ANTXR2: variants seen among roughly 807,000 people sequenced by gnomAD.
ANTXR2 encodes ANTXR cell adhesion molecule 2, also known as anthrax toxin receptor 2.
A neutral mutation model predicts 73.7 loss-of-function variants in ANTXR2; 44 were observed. The ratio of observed to expected loss-of-function variants is 0.60; its 90% confidence interval spans 0.47 to 0.77. The LOEUF (loss-of-function observed/expected upper bound fraction) is 0.77. ANTXR2 is among the 30% of genes least tolerant of loss of function. The pLI, the probability that ANTXR2 is intolerant of heterozygous loss-of-function variation, is 0.00. For synonymous variants in ANTXR2, 217 were observed against 205.9 expected, an observed-to-expected ratio of 1.05 and a Z score of -0.46; for missense variants, 604 against 592.5, an observed-to-expected ratio of 1.02 and a Z score of -0.20.
intron 12 of ANTXR2, among the ~76,000 whole-genome samples, chr4:79,995,838 C>T (rs1019196416): frequency 2.0e-5 from 3 of 151,894 alleles, no homozygotes; most frequent in Non-Finnish European, 4.4e-5. Flanking sequence ...GCCCTCAAAG[C>T]TCTATCTAAA....
At chr4:79,997,626 C>T (rs1211634679) in intron 12 of ANTXR2, among the ~76,000 whole-genome samples, 1 of 151,962 alleles carries the variant, frequency 6.6e-6, no homozygotes, top group African/African-American at 2.4e-5. Flanking sequence ...TTCAAGTTAT[C>T]TCATCCTCTG....
intron 3 of ANTXR2, among the ~76,000 whole-genome samples, chr4:80,061,623 GT>G (rs1295547235): frequency 1.3e-5 from 2 of 152,010 alleles, no homozygotes; most frequent in East Asian, 3.9e-4. Flanking sequence ...AAACGAAAAT[GT>G]TCTCAAGATG....
intron 16 of ANTXR2, among the ~76,000 whole-genome samples, chr4:79,926,978 C>T (rs1444718065): frequency 7.5e-6 from 1 of 132,578 alleles, no homozygotes; most frequent in Non-Finnish European, 1.6e-5. Flanking sequence ...TGTATATATA[C>T]GTGTGCATAT....
At chr4:79,923,385 A>G (rs1385504182) in intron 16 of ANTXR2, among the ~76,000 whole-genome samples, 1 of 152,128 alleles carries the variant, frequency 6.6e-6, no homozygotes, top group Non-Finnish European at 1.5e-5. Flanking sequence ...ATTTAGTCAC[A>G]TGAATATTCA....
chr4:79,922,631 T>G (rs1006729573), intron 16 of ANTXR2, among the ~76,000 whole-genome samples: 1 of 152,096 alleles, frequency 6.6e-6, no homozygotes, highest in Non-Finnish European at 1.5e-5. Flanking sequence ...GTTAGCTTTA[T>G]GTAAAAAGAA....
intron 16 of ANTXR2, among the ~76,000 whole-genome samples, chr4:79,911,163 G>C (rs1231387879): frequency 6.6e-6 from 1 of 152,154 alleles, no homozygotes; most frequent in South Asian, 2.1e-4. Flanking sequence ...ACACTGCAGA[G>C]CAATTTTTAT....
At chr4:79,989,101 G>C (rs941246828) in intron 12 of ANTXR2, among the ~76,000 whole-genome samples, 5 of 151,802 alleles carry the variant, frequency 3.3e-5, no homozygotes, top group African/African-American at 4.8e-5. Context: ...GAAAACATGA[G>C]TAAACCAACC....
intron 16 of ANTXR2, 57 bp downstream of exon 16, chr4:79,977,564 C>A (rs1314630074): frequency 6.5e-7 from 1 of 1,533,356 alleles, no homozygotes; most frequent in Admixed American, 2.2e-5. Flanking sequence ...ATTTCCCTGC[C>A]TCCATTATAC....
chr4:79,962,016 A>AT (rs1560910775), intron 16 of ANTXR2, among the ~76,000 whole-genome samples: 1 of 152,164 alleles, frequency 6.6e-6, no homozygotes, highest in African/African-American at 2.4e-5. Flanking sequence ...TTTGAAAAAA[A>AT]ATATATTTTT....
In ANTXR2 at chr4:79,978,012, T is replaced by C. The variant is rs1324592456; in HGVS notation, c.1342A>G (p.Ile448Val). The change falls in exon 15 of 17, where the codon ATT (isoleucine) becomes GTT (valine). Residue 448 changes from isoleucine (I) to valine (V), a missense_variant. Transcript: ENST00000403729. ...QPPQTKWYTP[I>V]KGRLDALWAL... is the part of the protein sequence containing the mutation. ...CACAAAATCTGGACACATACCTTAA[T>C]TGGGGTGTACCATTTTGTCTGAGGA... 1.9e-6 allele frequency: 3 copies of C among 1,592,376 alleles called. No homozygotes were observed. The highest frequency in any genetic ancestry group is 2.7e-5 in the African/African-American group (2 of 73,202).
chr4:79,928,809 A>G (rs901173986), intron 16 of ANTXR2, among the ~76,000 whole-genome samples: 1 of 152,200 alleles, frequency 6.6e-6, no homozygotes, highest in African/African-American at 2.4e-5. Context: ...TTAATCTAAC[A>G]AAACCAATTA....
intron 7 of ANTXR2, among the ~76,000 whole-genome samples, chr4:80,050,194 T>C (rs1442023915): frequency 2.6e-5 from 4 of 151,780 alleles, no homozygotes; most frequent in East Asian, 1.9e-4. Context: ...AAATTCTACA[T>C]AGCTTTTGTC....
intron 16 of ANTXR2, among the ~76,000 whole-genome samples, chr4:79,937,047 T>C (rs916135017): frequency 1.6e-5 from 2 of 122,652 alleles, no homozygotes; most frequent in African/African-American, 6.8e-5. Flanking sequence ...GAAAAATGTA[T>C]TAATAATTTT....
At chr4:80,016,078 G>A (rs1731855635) in intron 11 of ANTXR2, among the ~76,000 whole-genome samples, 2 of 151,890 alleles carry the variant, frequency 1.3e-5, no homozygotes, top group Admixed American at 1.3e-4. Flanking sequence ...ATAGGACAAA[G>A]AACAATTTTA....
intron 11 of ANTXR2, among the ~76,000 whole-genome samples, chr4:80,014,522 C>T (rs939222946): frequency 6.6e-6 from 1 of 151,930 alleles, no homozygotes; most frequent in African/African-American, 2.4e-5. Flanking sequence ...GCCAAACTGG[C>T]GTCACTGCAC....
chr4:79,925,199 A>G (rs1400479217), intron 16 of ANTXR2, among the ~76,000 whole-genome samples: 3 of 151,870 alleles, frequency 2.0e-5, no homozygotes, highest in African/African-American at 7.3e-5. Context: ...GACAACATCA[A>G]TGCACCTTGC....
intron 12 of ANTXR2, among the ~76,000 whole-genome samples, chr4:79,994,953 C>G (rs892350393): frequency 5.3e-5 from 8 of 151,914 alleles, no homozygotes; most frequent in African/African-American, 1.9e-4. Flanking sequence ...ACAAACATCC[C>G]CCTACATGCA....
chr4:80,052,581 C>G (rs1023690417), intron 7 of ANTXR2, among the ~76,000 whole-genome samples: 2 of 151,588 alleles, frequency 1.3e-5, no homozygotes, highest in African/African-American at 4.8e-5. Flanking sequence ...TTACTCTTCC[C>G]TTTGTGAGCA....
intron 9 of ANTXR2, among the ~76,000 whole-genome samples, chr4:80,032,973 T>C (rs1426550649): frequency 6.6e-6 from 1 of 151,286 alleles, no homozygotes; most frequent in East Asian, 1.9e-4. Flanking sequence ...AACAAATTAT[T>C]GGGAAATTAG....
Sources: allele counts gnomAD v4.1 joint callset (sites outside exome capture counted in the v4.1 genomes callset), GRCh38; gene constraint gnomAD v4.1.1; transcripts MANE v1.5; gene names NCBI Gene and HGNC (gene_info 2026-07-23, HGNC 2026-07-21).